Variants in NOMO1 observed in about 807,000 individuals in gnomAD.
The protein encoded by NOMO1 is NODAL modulator 1.
In NOMO1, 40 loss-of-function variants were observed where a neutral mutation model predicts 133.8. The observed-to-expected ratio is 0.30, with a 90% CI of 0.23 to 0.39. The LOEUF (loss-of-function observed/expected upper bound fraction) is 0.39. Ranked by LOEUF, NOMO1 falls within the 10% of genes least tolerant of loss-of-function variation. The pLI, the probability that NOMO1 is intolerant of heterozygous loss-of-function variation, is 1.00. For missense variants in NOMO1, 462 were observed against 1,419.9 expected, an observed-to-expected ratio of 0.33 and a Z score of 10.84; for synonymous variants, 236 against 570.5, an observed-to-expected ratio of 0.41 and a Z score of 8.36.
At position 14,875,122 on chromosome 16, in the gene NOMO1, T is replaced by A. The variant is rs1964136054; in HGVS notation, c.2141T>A (p.Ile714Asn). ...CGGAGGGAGCAGCAGCTGGCTGAGA[T>A]CGAGGCCCGCAGGCAGGAGAGGGAG... ...ELRREQQLAE[I>N]EARRQEREKN... The change falls in exon 19 of 31, where the codon ATC (isoleucine) becomes AAC (asparagine). Residue 714 changes from isoleucine (I) to asparagine (N), a missense_variant. Transcript: ENST00000287667. 6.2e-7 allele frequency: 1 copy of A among 1,613,686 alleles called. No homozygotes were observed. Among genetic ancestry groups the A allele is most frequent in the Non-Finnish European group, 8.5e-7 (1 of 1,179,826 alleles).
chr16:14,887,046 A>G (rs1178117218), intron 28 of NOMO1, among the ~76,000 whole-genome samples, 184 bp downstream of exon 28: 2 of 152,152 alleles, frequency 1.3e-5, no homozygotes, highest in Non-Finnish European at 2.9e-5. Context: ...GTTTACAAAA[A>G]GAATACATAT....
chr16:14,836,539 C>T (rs1185361351), intron 1 of NOMO1, among the ~76,000 whole-genome samples: 1 of 151,778 alleles, frequency 6.6e-6, no homozygotes, highest in East Asian at 1.9e-4. Context: ...CTTCCTTTTA[C>T]AGACATGGAA....
intron 26 of NOMO1, 55 bp from the exon 27 acceptor site, chr16:14,884,317 T>C: frequency 2.6e-6 from 3 of 1,171,582 alleles, no homozygotes; most frequent in South Asian, 1.4e-5. Context: ...ACAGCTGGCA[T>C]AGAAGTTCCT....
chr16:14,856,901 G>A (rs1963846219), intron 9 of NOMO1, among the ~76,000 whole-genome samples: 2 of 152,126 alleles, frequency 1.3e-5, no homozygotes, highest in Admixed American at 6.5e-5. Context: ...GGGGCATCTG[G>A]AGGGGAGGAG....
At chr16:14,881,324 C>A (rs546641317) in intron 24 of NOMO1, among the ~76,000 whole-genome samples, 1,790 of 152,052 alleles carry the variant, frequency 0.012, 19 homozygotes, top group Non-Finnish European at 0.018. Context: ...TTTTCCAGAG[C>A]ATCCCTCAAA....
At position 14,878,440 on chromosome 16, in the gene NOMO1, G is replaced by T. The variant is rs1289772392; in HGVS notation, c.2644-281G>T. ...GCTTGGGAGGCGAAGGTTGTAGTGAGCCCAGGTTGTGCCACTGCACTCCAG... is the reference window on the plus strand; with the variant it reads ...GCTTGGGAGGCGAAGGTTGTAGTGATCCCAGGTTGTGCCACTGCACTCCAG... On this transcript the variant is annotated intron_variant, in intron 22 of 30. Coordinates refer to ENST00000287667, the MANE Select transcript of NOMO1 (RefSeq NM_014287.4). Among the ~76,000 whole-genome samples the T allele has an allele frequency of 4.4e-5, 5 of 112,414 alleles. No individual in the cohort carries two copies. The Admixed American group carries it at 5.5e-4, about 12-fold the overall frequency. The allele number at this position is 112,414 out of a possible 152,430, so 73.7% of individuals were successfully genotyped here.
chr16:14,860,908 A>AAGGTGGG (rs1963914585), intron 11 of NOMO1, among the ~76,000 whole-genome samples: 3 of 150,134 alleles, frequency 2.0e-5, no homozygotes, highest in Non-Finnish European at 3.0e-5. Context: ...AGGCTGGAGT[A>AAGGTGGG]CAGTGGCGCC....
chr16:14,856,919 C>T (rs2606825), intron 9 of NOMO1, among the ~76,000 whole-genome samples: 1 of 149,174 alleles, frequency 6.7e-6, no homozygotes, highest in African/African-American at 2.6e-5. Flanking sequence ...GAGATGGCAC[C>T]GGGGTAAGGG....
At chr16:14,856,029 A>G (rs1963828824) in intron 9 of NOMO1, among the ~76,000 whole-genome samples, 3 of 152,116 alleles carry the variant, frequency 2.0e-5, no homozygotes, top group Admixed American at 2.0e-4. Flanking sequence ...AAAGGAAGTC[A>G]TTTAATTATT....
chr16:14,884,272 C>A (rs935067138), intron 26 of NOMO1, 100 bp from the exon 27 acceptor site: 3 of 1,520,162 alleles, frequency 2.0e-6, no homozygotes, highest in Non-Finnish European at 2.7e-6. Context: ...ATGTAAGAAG[C>A]AAAGTTTGCC....
intron 29 of NOMO1, among the ~76,000 whole-genome samples, chr16:14,893,907 G>A (rs1186894384): frequency 6.6e-6 from 1 of 151,940 alleles, no homozygotes; most frequent in Non-Finnish European, 1.5e-5. Context: ...GGGCGGAAAA[G>A]GCACATCACA....
In NOMO1 at chr16:14,882,607, A is replaced by G. The variant is rs759191387; in HGVS notation, c.3041A>G (p.Tyr1014Cys). Residue 1014 changes from tyrosine to cysteine, a missense_variant, in exon 26 of 31, where the codon TAC becomes TGC. Coordinates refer to ENST00000287667, the MANE Select transcript of NOMO1 (RefSeq NM_014287.4). ...GTTTTTTTGCAGCCGGGATGTGTGT[A>G]CCACGTTCAGCTCAAGGCAGAAGGC... ...RLRGLLPGCV[Y>C]HVQLKAEGND... The G allele has an allele frequency of 6.2e-7, 1 of 1,611,516 alleles. No homozygotes were observed. Among genetic ancestry groups the G allele is most frequent in the Admixed American group, 1.7e-5 (1 of 59,966 alleles).
At chr16:14,873,405 C>T (rs1441704826) in intron 18 of NOMO1, among the ~76,000 whole-genome samples, 5 of 136,106 alleles carry the variant, frequency 3.7e-5, no homozygotes, top group African/African-American at 1.3e-4. Flanking sequence ...CTAGTGGCTG[C>T]GGAGATGGAG....
At chr16:14,894,223 C>A (rs1964446881) in intron 29 of NOMO1, among the ~76,000 whole-genome samples, 1 of 152,162 alleles carries the variant, frequency 6.6e-6, no homozygotes. Flanking sequence ...GGGACCCAGG[C>A]CCCTTCTGTC....
At chr16:14,867,172 ATATATTTTTTT>A (rs1195818296) in intron 15 of NOMO1, among the ~76,000 whole-genome samples, 3 of 15,392 alleles carry the variant, frequency 1.9e-4, no homozygotes, top group Non-Finnish European at 3.1e-4. Context: ...ATATATATAT[ATATATTTTTTT>A]TTTTTTTTTT....
intron 27 of NOMO1, among the ~76,000 whole-genome samples, chr16:14,884,718 G>T (rs1964296644): frequency 6.6e-6 from 1 of 151,900 alleles, no homozygotes; most frequent in Non-Finnish European, 1.5e-5. Flanking sequence ...TCAGATAACT[G>T]TCTGCCATCA....
chr16:14,892,228 G>T (rs1395199913), intron 29 of NOMO1, among the ~76,000 whole-genome samples: 1 of 151,530 alleles, frequency 6.6e-6, no homozygotes, highest in Non-Finnish European at 1.5e-5. Context: ...CTGGGCGACA[G>T]AGCAAGACTG....
intron 17 of NOMO1, 63 bp from the exon 18 acceptor site, chr16:14,872,171 G>A (rs1007585467): frequency 1.1e-6 from 1 of 900,386 alleles, no homozygotes; most frequent in Non-Finnish European, 1.8e-6. Context: ...GCCCAAAAAG[G>A]GTATTGCTGA....
At position 14,850,799 on chromosome 16, in the gene NOMO1, A is replaced by G. The variant is rs942444743; in HGVS notation, c.583-1631A>G. Among the ~76,000 whole-genome samples the G allele has an allele frequency of 1.1e-4, 17 of 151,946 alleles. No homozygotes were observed. In the Middle Eastern group the frequency reaches 0.014, roughly 122 times the overall value. On this transcript the variant is annotated intron_variant, in intron 6 of 30. Coordinates refer to ENST00000287667, the MANE Select transcript of NOMO1 (RefSeq NM_014287.4). ...AGCAACATTTAAAAATATTTTATTCAAGGCTGGGCGCAGTTGCTCATGCTG... is the reference window on the plus strand; with the variant it reads ...AGCAACATTTAAAAATATTTTATTCGAGGCTGGGCGCAGTTGCTCATGCTG...
Sources: gnomAD v4.1 joint callset for allele counts (sites outside exome capture counted in the v4.1 genomes callset) on GRCh38, gnomAD v4.1.1 for gene constraint, MANE v1.5 for transcripts, NCBI Gene and HGNC (gene_info 2026-07-23, HGNC 2026-07-21) for gene names.